Variants in BCAT1 observed in about 807,000 individuals in gnomAD.
BCAT1 encodes the protein branched-chain-amino-acid aminotransferase, cytosolic.
In BCAT1, 48 loss-of-function variants were observed where a neutral mutation model predicts 52.4. The observed-to-expected ratio is 0.92, with a 90% CI of 0.73 to 1.16. The LOEUF (loss-of-function observed/expected upper bound fraction) is 1.16. Among genes scored for constraint, BCAT1 ranks in the 50% most tolerant of loss-of-function variants. The pLI is 0.00. For synonymous variants in BCAT1, 167 were observed against 161.3 expected, an observed-to-expected ratio of 1.04 and a Z score of -0.27; for missense variants, 451 against 457.1, an observed-to-expected ratio of 0.99 and a Z score of 0.12.
At chr12:24,904,136 AG>A (rs1354272452) in intron 1 of BCAT1, 7 of 152,336 alleles carry the variant, frequency 4.6e-5, no homozygotes, top group African/African-American at 1.7e-4. Flanking sequence ...CACAGAGTCC[AG>A]GCAGGTCACG....
chr12:24,920,720 AG>A (rs1259253732), intron 1 of BCAT1, among the ~76,000 whole-genome samples: 1 of 152,180 alleles, frequency 6.6e-6, no homozygotes, highest in Non-Finnish European at 1.5e-5. Flanking sequence ...CCACAAGTTG[AG>A]GGCTCAGTCC....
intron 4 of BCAT1, among the ~76,000 whole-genome samples, chr12:24,880,230 C>T (rs531434771): frequency 1.6e-4 from 24 of 152,298 alleles, no homozygotes; most frequent in Non-Finnish European, 2.9e-4. Context: ...AGGCAGATCA[C>T]TTGAGGCCAG....
chr12:24,824,243 C>CTTCCTTCA (rs1555363338), intron 10 of BCAT1, among the ~76,000 whole-genome samples: 1 of 134,752 alleles, frequency 7.4e-6, no homozygotes, highest in South Asian at 2.7e-4. Context: ...TCCTTCCTTC[C>CTTCCTTCA]TTCCTTCCTT....
chr12:24,858,018 G>A (rs1941742542), intron 5 of BCAT1, among the ~76,000 whole-genome samples: 1 of 152,110 alleles, frequency 6.6e-6, no homozygotes, highest in Admixed American at 6.5e-5. Flanking sequence ...CCCTCTTTTT[G>A]GGATCCAGAA....
chr12:24,825,373 G>A (rs974317938), intron 10 of BCAT1, among the ~76,000 whole-genome samples: 1 of 151,564 alleles, frequency 6.6e-6, no homozygotes, highest in Non-Finnish European at 1.5e-5. Flanking sequence ...CCTCCATACT[G>A]TTCTCCATAG....
intron 5 of BCAT1, among the ~76,000 whole-genome samples, chr12:24,873,315 T>G (rs928648048): frequency 6.6e-6 from 1 of 152,248 alleles, no homozygotes; most frequent in African/African-American, 2.4e-5. Flanking sequence ...GTTTCTCTTT[T>G]AGATTTAACA....
At position 24,817,970 on chromosome 12, in the gene BCAT1, G is replaced by GGTATCCTCTATTTTCCATT; in HGVS notation, c.*19_*37dup. ...CAGTCTGTCCCAGTAGCATACAGTT[G>GGTATCCTCTATTTTCCATT]GTATCCTCTATTTTCCATTGTATCC... On this transcript the variant is annotated 3_prime_UTR_variant, in exon 11 of 11. Coordinates refer to ENST00000261192, the MANE Select transcript of BCAT1 (RefSeq NM_005504.7). The GGTATCCTCTATTTTCCATT allele has an allele frequency of 1.3e-6, 2 of 1,598,280 alleles. No homozygotes were observed. Among genetic ancestry groups the GGTATCCTCTATTTTCCATT allele is most frequent in the South Asian group, 1.1e-5 (1 of 90,526 alleles).
intron 1 of BCAT1, among the ~76,000 whole-genome samples, chr12:24,924,469 T>TA (rs762894109): frequency 5.3e-5 from 8 of 152,138 alleles, no homozygotes; most frequent in Non-Finnish European, 1.2e-4. Context: ...TAATCAAACT[T>TA]AACATGACTA....
At chr12:24,937,596 G>A (rs1341368077) in intron 1 of BCAT1, among the ~76,000 whole-genome samples, 1 of 152,128 alleles carries the variant, frequency 6.6e-6, no homozygotes, top group Non-Finnish European at 1.5e-5. Context: ...GATCACTTCA[G>A]CTCCTCCTGT....
rs1939694766 is a variant in BCAT1 at position 24,811,792 on chromosome 12, T to C, written c.*6216A>G. 1 of 152,150 alleles carries C rather than the reference T, an allele frequency of 6.6e-6. No individual in the cohort carries two copies. Among genetic ancestry groups the C allele is most frequent in the African/African-American group, 2.4e-5 (1 of 41,468 alleles). 9.4% of individuals were successfully genotyped at this position (152,150 alleles called of 1,614,324 possible). On this transcript the variant is annotated 3_prime_UTR_variant, in exon 11 of 11. Transcript: ENST00000261192. The stretch of plus-strand genomic sequence containing the variant: ...TGAGACTTGCAATGGCTGGAGTCTA[T>C]CAGTACAATAGTAATTGCAATCAGA...
At chr12:24,854,521 C>T (rs182203919) in intron 5 of BCAT1, among the ~76,000 whole-genome samples, 14 of 152,144 alleles carry the variant, frequency 9.2e-5, no homozygotes, top group Admixed American at 8.5e-4. Context: ...CAAGGGAGAG[C>T]TCAGCGGTCC....
rs1939810820 is a variant in BCAT1 at position 24,814,739 on chromosome 12, A to G, written c.*3269T>C. ...ATGTCTTCAAGAGAGCTGACATTGC[A>G]TGTTACCATCTAGCTGATGTTACGC... On this transcript the variant is annotated 3_prime_UTR_variant, in exon 11 of 11. Transcript: ENST00000261192. 1 of 149,852 alleles carries G rather than the reference A, an allele frequency of 6.7e-6. No individual in the cohort carries two copies. Among genetic ancestry groups the G allele is most frequent in the South Asian group, 2.1e-4 (1 of 4,742 alleles). 9.3% of individuals were successfully genotyped at this position (149,852 alleles called of 1,614,324 possible).
chr12:24,835,595 A>ATTTATTTATTTATTTATTT (rs879684901), intron 8 of BCAT1, among the ~76,000 whole-genome samples: 1 of 143,456 alleles, frequency 7.0e-6, no homozygotes, highest in Non-Finnish European at 1.5e-5. Context: ...TTATTTATTT[A>ATTTATTTATTTATTTATTT]ATTTACTTTT....
At chr12:24,820,195 C>T (rs111231814) in intron 10 of BCAT1, among the ~76,000 whole-genome samples, 144 of 152,252 alleles carry the variant, frequency 9.5e-4, no homozygotes, top group Middle Eastern at 3.4e-3. Flanking sequence ...TATCACTCTG[C>T]GAACCTGCAT....
intron 1 of BCAT1, among the ~76,000 whole-genome samples, chr12:24,928,770 T>C (rs1943634459): frequency 6.6e-6 from 1 of 151,736 alleles, no homozygotes; most frequent in African/African-American, 2.4e-5. Context: ...AGTTTCATTC[T>C]TGTTGCCCAG....
intron 1 of BCAT1, among the ~76,000 whole-genome samples, chr12:24,912,233 G>A (rs962595948): frequency 5.3e-4 from 81 of 152,164 alleles, no homozygotes; most frequent in African/African-American, 1.7e-3. Context: ...ATTAGAAGAG[G>A]GCTGGGCGCA....
intron 3 of BCAT1, among the ~76,000 whole-genome samples, chr12:24,888,688 GAAGGC>G (rs2139631659): frequency 6.6e-6 from 1 of 152,252 alleles, no homozygotes; most frequent in South Asian, 2.1e-4. Flanking sequence ...GTTCTCTCCA[GAAGGC>G]AATCACACTT....
At chr12:24,841,690 G>T (rs1941178229) in intron 7 of BCAT1, among the ~76,000 whole-genome samples, 1 of 152,082 alleles carries the variant, frequency 6.6e-6, no homozygotes, top group Non-Finnish European at 1.5e-5. Flanking sequence ...ATCACCTGAG[G>T]TCAGGAGTTC....
In BCAT1 at chr12:24,817,261, C is replaced by T. The variant is rs991813862; in HGVS notation, c.*747G>A. ...TACACTTCTATAGAAGCAAAATGTT[C>T]ACTGATTCATTATAAAACCATTTAC... On this transcript the variant is annotated 3_prime_UTR_variant, in exon 11 of 11. Coordinates refer to ENST00000261192, the MANE Select transcript of BCAT1 (RefSeq NM_005504.7). 3.3e-5 allele frequency: 5 copies of T among 152,208 alleles called. No individual in the cohort carries two copies. Among genetic ancestry groups the T allele is most frequent in the Non-Finnish European group, 4.4e-5 (3 of 68,026 alleles). The allele number at this position is 152,208 out of a possible 1,614,324, so 9.4% of individuals were successfully genotyped here.
Sources: allele counts gnomAD v4.1 joint callset (sites outside exome capture counted in the v4.1 genomes callset), GRCh38; gene constraint gnomAD v4.1.1; transcripts MANE v1.5; gene names NCBI Gene and HGNC (gene_info 2026-07-23, HGNC 2026-07-21).